CSMD3: variants seen among roughly 807,000 people sequenced by gnomAD.
CSMD3 encodes the protein CUB and sushi domain-containing protein 3.
CSMD3 carries 177 observed loss-of-function variants against 435.2 expected under a neutral mutation model. The observed-to-expected ratio is 0.41, with a 90% CI of 0.36 to 0.46. The LOEUF is 0.46. Among genes scored for constraint, CSMD3 ranks in the 20% least tolerant of loss-of-function variants. The pLI, the probability that CSMD3 is intolerant of heterozygous loss-of-function variation, is 0.34. For missense variants in CSMD3, 4,265 were observed against 4,504.6 expected, an observed-to-expected ratio of 0.95 and a Z score of 1.52; for synonymous variants, 1,656 against 1,520.5, an observed-to-expected ratio of 1.09 and a Z score of -2.07.
intron 35 of CSMD3, 114 bp from the exon 36 acceptor site, chr8:112,390,902 A>T: frequency 1.0e-6 from 1 of 1,004,242 alleles, no homozygotes; most frequent in Non-Finnish European, 1.5e-6. Context: ...ATCAAATCAT[A>T]CTTTTTTCAA....
chr8:112,863,236 T>A (rs2080875382), intron 10 of CSMD3, among the ~76,000 whole-genome samples: 1 of 152,016 alleles, frequency 6.6e-6, no homozygotes, highest in Non-Finnish European at 1.5e-5. Context: ...AGATCTTGTA[T>A]TTTATATCTC....
intron 5 of CSMD3, among the ~76,000 whole-genome samples, chr8:113,090,193 T>C (rs942160618): frequency 6.6e-6 from 1 of 152,098 alleles, no homozygotes; most frequent in Non-Finnish European, 1.5e-5. Context: ...AAGCATTTAC[T>C]AGATAAGAGA....
Position 112,351,206 on chromosome 8 carries a change from T to C in CSMD3, c.6294A>G (p.Arg2098=). 1 of 1,609,212 alleles carries C rather than the reference T, an allele frequency of 6.2e-7. No individual in the cohort carries two copies. Among genetic ancestry groups the C allele is most frequent in the Non-Finnish European group, 8.5e-7 (1 of 1,175,936 alleles). Residue 2098 remains arginine (R), a synonymous_variant, in exon 40 of 71, where the codon AGA becomes AGG. Transcript: ENST00000297405. ...AAATTGGGATTGGATAATTCCATCT[T>C]CTTACAGGTCCTGGCATACATGTAA... ...SHITCMPGPV[R]RWNYPIPICL...
At chr8:112,385,160 A>T (rs920983122) in intron 36 of CSMD3, among the ~76,000 whole-genome samples, 2 of 152,336 alleles carry the variant, frequency 1.3e-5, no homozygotes, top group East Asian at 3.9e-4. Flanking sequence ...GCTAAATACA[A>T]GAGAACTTAG....
At chr8:112,582,575 C>T (rs1830410239) in intron 23 of CSMD3, among the ~76,000 whole-genome samples, 1 of 151,550 alleles carries the variant, frequency 6.6e-6, no homozygotes, top group South Asian at 2.1e-4. Context: ...ATGGTTAGGG[C>T]TTTAGATTTT....
intron 22 of CSMD3, among the ~76,000 whole-genome samples, chr8:112,611,460 T>C (rs1833254242): frequency 6.6e-6 from 1 of 152,212 alleles, no homozygotes. Context: ...TAAAAGTTTC[T>C]TTAGAGACGA....
chr8:113,159,882 G>A (rs1194007563), intron 4 of CSMD3, among the ~76,000 whole-genome samples: 2 of 151,800 alleles, frequency 1.3e-5, no homozygotes, highest in African/African-American at 4.8e-5. Flanking sequence ...TTATTCCAAT[G>A]ATGAAAAAAC....
At chr8:112,966,625 G>T (rs1418168196) in intron 7 of CSMD3, among the ~76,000 whole-genome samples, 1 of 151,536 alleles carries the variant, frequency 6.6e-6, no homozygotes, top group African/African-American at 2.4e-5. Context: ...CCATTTTAAA[G>T]TATAGAATTT....
chr8:113,287,526 G>T (rs1282431896), intron 2 of CSMD3, among the ~76,000 whole-genome samples: 1 of 151,968 alleles, frequency 6.6e-6, no homozygotes, highest in Non-Finnish European at 1.5e-5. Context: ...TTGAATAATT[G>T]TATCATTTGT....
chr8:112,741,805 AT>A (rs1402678011), intron 13 of CSMD3, among the ~76,000 whole-genome samples: 3 of 151,770 alleles, frequency 2.0e-5, no homozygotes, highest in African/African-American at 7.3e-5. Flanking sequence ...AGATAGATAG[AT>A]AGATAGATAG....
At chr8:112,225,638 A>C (rs1486169791) in intron 70 of CSMD3, among the ~76,000 whole-genome samples, 3 of 152,172 alleles carry the variant, frequency 2.0e-5, no homozygotes, top group Non-Finnish European at 4.4e-5. Context: ...CTGAGGCCTA[A>C]TTTGGAAAGG....
intron 1 of CSMD3, among the ~76,000 whole-genome samples, chr8:113,435,055 C>G (rs988165535): frequency 3.9e-5 from 6 of 152,224 alleles, no homozygotes; most frequent in Non-Finnish European, 8.8e-5. Flanking sequence ...CCAGGGCCAT[C>G]CATTAACCAC....
chr8:112,526,863 A>G (rs1586602466), intron 27 of CSMD3, among the ~76,000 whole-genome samples: 1 of 151,986 alleles, frequency 6.6e-6, no homozygotes, highest in Non-Finnish European at 1.5e-5. Context: ...GGGTTCTTAC[A>G]TTATATGTGA....
At chr8:112,922,065 G>A (rs1182984396) in intron 9 of CSMD3, among the ~76,000 whole-genome samples, 5 of 151,918 alleles carry the variant, frequency 3.3e-5, no homozygotes, top group Non-Finnish European at 7.4e-5. Context: ...ATCATATTAC[G>A]GTGTTTTTCT....
At chr8:113,409,990 T>G (rs1317467346) in intron 1 of CSMD3, among the ~76,000 whole-genome samples, 1 of 152,170 alleles carries the variant, frequency 6.6e-6, no homozygotes, top group Non-Finnish European at 1.5e-5. Flanking sequence ...ATAATTATGC[T>G]TATTTTGTTT....
intron 11 of CSMD3, among the ~76,000 whole-genome samples, chr8:112,849,065 C>T (rs964275938): frequency 6.6e-6 from 1 of 152,038 alleles, no homozygotes; most frequent in African/African-American, 2.4e-5. Flanking sequence ...AAGCCATAAT[C>T]AATACTTATT....
chr8:112,775,791 A>AGAGG (rs2078231043), intron 13 of CSMD3, among the ~76,000 whole-genome samples: 2 of 152,014 alleles, frequency 1.3e-5, no homozygotes, highest in East Asian at 3.9e-4. Context: ...TGTGTGTTTT[A>AGAGG]ACTATCTTCC....
intron 1 of CSMD3, among the ~76,000 whole-genome samples, chr8:113,334,302 C>T (rs1288079865): frequency 4.3e-5 from 5 of 116,006 alleles, no homozygotes; most frequent in Non-Finnish European, 7.1e-5. Context: ...TTTTCATTTC[C>T]AGCCTGTGTA....
At chr8:112,316,368 T>A (rs1451106798) in intron 47 of CSMD3, among the ~76,000 whole-genome samples, 1 of 151,590 alleles carries the variant, frequency 6.6e-6, no homozygotes, top group East Asian at 1.9e-4. Flanking sequence ...TTCAAAAAAT[T>A]TAAAAATACA....
Sources: gnomAD v4.1 joint callset for allele counts (sites outside exome capture counted in the v4.1 genomes callset) on GRCh38, gnomAD v4.1.1 for gene constraint, MANE v1.5 for transcripts, NCBI Gene and HGNC (gene_info 2026-07-23, HGNC 2026-07-21) for gene names.